The following RYR3 variants were observed in gnomAD, a reference collection of about 807,000 sequenced individuals.
RYR3 encodes the protein brain ryanodine receptor-calcium release channel.
Under a neutral mutation model 584.3 loss-of-function variants are expected in RYR3, and 207 were observed. The ratio of observed to expected loss-of-function variants is 0.35; its 90% CI spans 0.32 to 0.40. RYR3 has a LOEUF of 0.40. Among genes scored for constraint, RYR3 ranks in the 10% least tolerant of loss-of-function variants. The probability of loss-of-function intolerance (pLI) is 1.00; values close to 1 mark genes in which losing one functional copy is unlikely to be tolerated. For missense variants in RYR3, 5,616 were observed against 6,089.2 expected (o/e 0.92, Z 2.59); for synonymous variants, 2,416 against 2,248.5 (o/e 1.07, Z -2.11).
intron 98 of RYR3, among the ~76,000 whole-genome samples, chr15:33,855,637 CTGATATCTGCATCCAATTAAGAGCCA>C (rs2079575183): frequency 2.8e-4 from 2 of 7,108 alleles, no homozygotes; most frequent in African/African-American, 5.1e-4. Context: ...GCCAATATTT[CTGATATCTGCATCCAATTAAGAGCCA>C]ATGATTTCAG....
intron 67 of RYR3, among the ~76,000 whole-genome samples, chr15:33,792,710 T>G (rs1159877063): frequency 6.6e-6 from 1 of 152,224 alleles, no homozygotes; most frequent in East Asian, 1.9e-4. Context: ...TGAAGGCTTG[T>G]GGGAATGTAA....
intron 42 of RYR3, among the ~76,000 whole-genome samples, chr15:33,702,324 A>G (rs1034337636): frequency 1.3e-5 from 2 of 152,226 alleles, no homozygotes; most frequent in Admixed American, 6.5e-5. Flanking sequence ...TTCAGTAAGA[A>G]GAACTGAACA....
intron 20 of RYR3, 51 bp from the exon 21 acceptor site, chr15:33,628,420 A>T: frequency 7.5e-7 from 1 of 1,336,420 alleles, no homozygotes; most frequent in Non-Finnish European, 1.1e-6. Context: ...TATAGATTTT[A>T]TGATAGGTTT....
At chr15:33,394,960 A>C (rs74845413) in intron 1 of RYR3, among the ~76,000 whole-genome samples, 2,710 of 152,034 alleles carry the variant, frequency 0.018, 69 homozygotes, top group African/African-American at 0.061. Context: ...GCAAAAAAAA[A>C]CACATACTGA....
At chr15:33,811,124 TC>T (rs2076514626) in intron 72 of RYR3, 87 bp downstream of exon 72, 5 of 1,087,866 alleles carry the variant, frequency 4.6e-6, no homozygotes, top group Non-Finnish European at 6.9e-6. Flanking sequence ...TACTCATGCT[TC>T]TTATATGTGT....
At chr15:33,542,509 A>T (rs1178046950) in intron 7 of RYR3, among the ~76,000 whole-genome samples, 1 of 152,172 alleles carries the variant, frequency 6.6e-6, no homozygotes, top group East Asian at 1.9e-4. Flanking sequence ...GTACAAAAAG[A>T]TACAGGAAAA....
chr15:33,825,024 G>T (rs1293245736), intron 81 of RYR3, among the ~76,000 whole-genome samples: 1 of 152,148 alleles, frequency 6.6e-6, no homozygotes, highest in East Asian at 1.9e-4. Flanking sequence ...ATAAATTCAG[G>T]AATACCTGGA....
intron 43 of RYR3, among the ~76,000 whole-genome samples, chr15:33,721,995 A>G (rs1206708314): frequency 6.6e-6 from 1 of 152,206 alleles, no homozygotes; most frequent in Non-Finnish European, 1.5e-5. Flanking sequence ...AATAACCAAT[A>G]AAACTTTACC....
rs2061462079 is a variant in RYR3 at position 33,635,614 on chromosome 15, C to T, written c.3176C>T (p.Ala1059Val). Reference protein sequence around the residue: ...YNIEPSDQELADSAVEKVSID... With the variant: ...YNIEPSDQELVDSAVEKVSID... ...CTGTTCGCCTTTCTTCTCACAATAGCTGACTCGGCTGTGGAGAAGGTCAGC... is the reference window on the plus strand; with the variant it reads ...CTGTTCGCCTTTCTTCTCACAATAGTTGACTCGGCTGTGGAGAAGGTCAGC... The change falls in exon 26 of 104, where the codon GCT becomes GTT. Residue 1059 changes from alanine (A) to valine (V), a missense_variant and splice_region_variant. By Grantham distance (64) the Ala-to-Val change is moderately conservative. Around this residue, in one of 9 missense-constraint regions of RYR3, gnomAD observed 1,284 missense variants for 1,344.6 expected, o/e 0.95. Coordinates refer to ENST00000634891, the MANE Select transcript of RYR3 (RefSeq NM_001036.6). 1 of 1,612,764 alleles carries T rather than the reference C, an allele frequency of 6.2e-7. No individual in the cohort carries two copies. Among genetic ancestry groups the T allele is most frequent in the Non-Finnish European group, 8.5e-7 (1 of 1,179,166 alleles).
intron 1 of RYR3, among the ~76,000 whole-genome samples, chr15:33,314,881 T>C (rs1967901479): frequency 6.6e-6 from 1 of 151,838 alleles, no homozygotes; most frequent in Non-Finnish European, 1.5e-5. Flanking sequence ...GCCACTGGAC[T>C]CTAGCCTGGG....
chr15:33,709,653 A>G (rs2066954509), intron 43 of RYR3, among the ~76,000 whole-genome samples: 1 of 152,330 alleles, frequency 6.6e-6, no homozygotes, highest in African/African-American at 2.4e-5. Context: ...GCCTTCTGCC[A>G]TGTTATGATG....
chr15:33,653,450 T>A (rs1304061052), intron 32 of RYR3, among the ~76,000 whole-genome samples: 1 of 152,042 alleles, frequency 6.6e-6, no homozygotes, highest in African/African-American at 2.4e-5. Context: ...GGCGGGGGGA[T>A]CATGAGGTCA....
At chr15:33,790,138 A>C (rs758750069) in intron 67 of RYR3, among the ~76,000 whole-genome samples, 10 of 150,974 alleles carry the variant, frequency 6.6e-5, no homozygotes, top group African/African-American at 1.2e-4. Flanking sequence ...CTACAGGCGC[A>C]CACCACCACG....
chr15:33,750,401 G>C, intron 57 of RYR3, 115 bp downstream of exon 57: 1 of 1,023,344 alleles, frequency 9.8e-7, no homozygotes, highest in Non-Finnish European at 1.4e-6. Context: ...TTTAAAATGA[G>C]AACATTTTTA....
intron 1 of RYR3, among the ~76,000 whole-genome samples, chr15:33,347,690 G>A (rs757566073): frequency 2.0e-5 from 3 of 151,918 alleles, no homozygotes; most frequent in Non-Finnish European, 4.4e-5. Context: ...CTCGTGATCC[G>A]CCCGCCTCAG....
intron 18 of RYR3, among the ~76,000 whole-genome samples, chr15:33,610,878 G>A (rs1174016312): frequency 6.6e-6 from 1 of 152,006 alleles, no homozygotes; most frequent in Non-Finnish European, 1.5e-5. Flanking sequence ...TTTTTTGATG[G>A]TGACCCATCA....
At chr15:33,582,732 T>C (rs551293485) in intron 14 of RYR3, among the ~76,000 whole-genome samples, 2 of 152,290 alleles carry the variant, frequency 1.3e-5, no homozygotes, top group South Asian at 4.1e-4. Context: ...TCCAGGACTC[T>C]TATGCTTAAC....
At chr15:33,809,784 C>T (rs554213042) in intron 70 of RYR3, among the ~76,000 whole-genome samples, 127 of 152,074 alleles carry the variant, frequency 8.4e-4, no homozygotes, top group Non-Finnish European at 1.4e-3. Flanking sequence ...TACAGGCATG[C>T]GCCACCGCAC....
chr15:33,522,358 G>A (rs2054064983), intron 3 of RYR3, among the ~76,000 whole-genome samples: 1 of 152,172 alleles, frequency 6.6e-6, no homozygotes, highest in Non-Finnish European at 1.5e-5. Flanking sequence ...TTTCAAGCAT[G>A]TTTCTGTGAA....
Sources: gnomAD v4.1 joint callset for allele counts (sites outside exome capture counted in the v4.1 genomes callset) on GRCh38, gnomAD v4.1.1 for gene constraint, gnomAD v4.1.1 regional missense constraint, MANE v1.5 for transcripts, NCBI Gene and HGNC (gene_info 2026-07-23, HGNC 2026-07-21) for gene names.